PTGR1: variants seen among roughly 807,000 people sequenced by gnomAD.
The protein encoded by PTGR1 is prostaglandin reductase 1.
In PTGR1, 23 loss-of-function variants were observed where a neutral mutation model predicts 37.7. The observed-to-expected ratio is 0.61, with a 90% CI of 0.44 to 0.86. The LOEUF is 0.86. Among genes scored for constraint, PTGR1 ranks in the 40% least tolerant of loss-of-function variants. The probability of loss-of-function intolerance (pLI) is 0.00; values close to 1 mark genes in which losing one functional copy is unlikely to be tolerated. For missense variants in PTGR1, 351 were observed against 394.3 expected (o/e 0.89, Z 0.93); for synonymous variants, 134 against 140.0 (o/e 0.96, Z 0.30).
chr9:111,569,446 T>C (rs1828712291), intron 9 of PTGR1, among the ~76,000 whole-genome samples: 1 of 152,190 alleles, frequency 6.6e-6, no homozygotes, highest in Non-Finnish European at 1.5e-5. Context: ...AATCAACCAG[T>C]GGATTTCACT....
At chr9:111,580,030 CA>C in intron 6 of PTGR1, among the ~76,000 whole-genome samples, 1 of 152,326 alleles carries the variant, frequency 6.6e-6, no homozygotes, top group African/African-American at 2.4e-5. Context: ...TCCATTCCTT[CA>C]TGATTCCAGA....
downstream of PTGR1, among the ~76,000 whole-genome samples, chr9:111,558,264 TATC>T (rs1385600097): frequency 6.6e-6 from 1 of 152,236 alleles, no homozygotes; most frequent in Non-Finnish European, 1.5e-5. Context: ...AATCTGTAAT[TATC>T]ATTATCTACA....
chr9:111,562,228 C>T (rs1828347719), downstream of PTGR1, among the ~76,000 whole-genome samples: 1 of 151,408 alleles, frequency 6.6e-6, no homozygotes, highest in African/African-American at 2.4e-5. Context: ...TTATTATCCT[C>T]ACTTTAAAGA....
chr9:111,563,350 G>C (rs1012067631), intron 9 of PTGR1, 119 bp from the exon 10 acceptor site: 1 of 1,020,564 alleles, frequency 9.8e-7, no homozygotes, highest in African/African-American at 1.6e-5. Context: ...ATAAGAGATG[G>C]AAGTCCTGTC....
chr9:111,588,564 T>G (rs1452795150), intron 4 of PTGR1, among the ~76,000 whole-genome samples: 1 of 150,390 alleles, frequency 6.6e-6, no homozygotes, highest in Non-Finnish European at 1.5e-5. Flanking sequence ...TTCAATCTGT[T>G]GCCCAGGCTG....
chr9:111,592,986 CAAAAAAAAAAAAA>C lies in PTGR1; in HGVS notation c.153-17_153-5del, dbSNP rs58142522. The C allele has an allele frequency of 0.043, 40,486 of 946,538 alleles. 57 individuals are homozygous for C. The highest frequency in any genetic ancestry group is 0.046 in the Non-Finnish European group (34,650 of 753,870). 58.6% of individuals were successfully genotyped at this position (946,538 alleles called of 1,614,324 possible). On this transcript the variant is annotated splice_polypyrimidine_tract_variant and splice_region_variant and intron_variant, in intron 3 of 9. Transcript: ENST00000407693. ...CTTCAATCTTTTGGCTGCCACTCTG[CAAAAAAAAAAAAA>C]AAAAAAAAAAAAAAAAAATAGGTAA...
chr9:111,559,816 A>G (rs1828223688), downstream of PTGR1, among the ~76,000 whole-genome samples: 2 of 152,170 alleles, frequency 1.3e-5, no homozygotes, highest in Non-Finnish European at 2.9e-5. Flanking sequence ...TAGTTTGGTA[A>G]GAAAAGAGGA....
Position 111,571,018 on chromosome 9 carries a change from C to CTATAGGTGCATGCCACCACACCTGGCTAA in PTGR1, c.761-810_761-809insTTAGCCAGGTGTGGTGGCATGCACCTATA, listed in dbSNP as rs1554817637. Among the ~76,000 whole-genome samples the CTATAGGTGCATGCCACCACACCTGGCTAA allele has an allele frequency of 1.6e-4, 22 of 133,596 alleles. 1 individual carries two copies. The highest frequency in any genetic ancestry group is 4.1e-4 in the Admixed American group (5 of 12,304). The allele number at this position is 133,596 out of a possible 152,430, so 87.6% of individuals were successfully genotyped here. ...ACATGCCAAGAAATACAGGCAGCTG[C>CTATAGGTGCATGCCACCACACCTGGCTAA]TAGAAGCTTGAAAAGGCAAGGAAGC... On this transcript the variant is annotated intron_variant, in intron 8 of 9. Transcript: ENST00000407693.
At chr9:111,555,808 A>G (rs1828105576) in intron 9 of PTGR1, among the ~76,000 whole-genome samples, 1 of 152,202 alleles carries the variant, frequency 6.6e-6, no homozygotes, top group African/African-American at 2.4e-5. Flanking sequence ...ATTGTGGATT[A>G]TAGTTCAACA....
chr9:111,559,626 T>C (rs1158538708), downstream of PTGR1, among the ~76,000 whole-genome samples: 1 of 148,336 alleles, frequency 6.7e-6, no homozygotes, highest in East Asian at 2.0e-4. Context: ...AACATACATA[T>C]ATAACACACA....
chr9:111,598,392 C>T (rs1031489043), intron 1 of PTGR1, among the ~76,000 whole-genome samples: 1 of 152,166 alleles, frequency 6.6e-6, no homozygotes, highest in African/African-American at 2.4e-5. Context: ...ACCGGTGCCG[C>T]GGGAGGGGAC....
At chr9:111,597,457 A>ACTTCATGGCAGTTG in intron 1 of PTGR1, 25 bp from the exon 2 acceptor site, 2 of 1,461,290 alleles carry the variant, frequency 1.4e-6, no homozygotes, top group Non-Finnish European at 1.9e-6. Flanking sequence ...ATATGTAGTC[A>ACTTCATGGCAGTTG]ACTGCCATGA....
Position 111,570,234 on chromosome 9 carries a change from G to A in PTGR1, c.761-25C>T, listed in dbSNP as rs770697369. ...CCTGTGAAGAGAAGGGCACATTTGG[G>A]TGGCAGGATCCAGGGAGGTGCCCAT... is the stretch of plus-strand genomic sequence containing the variant. On this transcript the variant is annotated intron_variant, in intron 8 of 9. Coordinates refer to ENST00000407693, the MANE Select transcript of PTGR1 (RefSeq NM_001146108.2). 6 of 1,605,238 alleles carry A rather than the reference G, an allele frequency of 3.7e-6. No homozygotes were observed. The Middle Eastern group carries it at 1.1e-3, about 291-fold the overall frequency.
chr9:111,564,332 G>A (rs1828457805), intron 9 of PTGR1: 1 of 592,298 alleles, frequency 1.7e-6, no homozygotes, highest in Admixed American at 6.1e-5. Context: ...CTGAGACAGG[G>A]TCTCACTCTG....
intron 6 of PTGR1, among the ~76,000 whole-genome samples, chr9:111,580,613 G>C (rs1324360937): frequency 6.6e-6 from 1 of 152,130 alleles, no homozygotes; most frequent in Non-Finnish European, 1.5e-5. Flanking sequence ...AAATTAGCCA[G>C]GCGTGGTGGC....
chr9:111,577,938 A>T (rs929670114), intron 7 of PTGR1: 7 of 152,200 alleles, frequency 4.6e-5, no homozygotes, highest in African/African-American at 1.7e-4. Context: ...CAGTCATAAG[A>T]GACCACTTTT....
downstream of PTGR1, chr9:111,562,436 C>G (rs1224419385): frequency 6.6e-6 from 1 of 152,058 alleles, no homozygotes; most frequent in Non-Finnish European, 1.5e-5. Flanking sequence ...CCACCACACT[C>G]AGCTAATTTT....
chr9:111,566,202 C>CAAAA (rs1828555037), intron 9 of PTGR1, among the ~76,000 whole-genome samples: 1 of 150,844 alleles, frequency 6.6e-6, no homozygotes, highest in Admixed American at 6.6e-5. Context: ...GCCTCCATGT[C>CAAAA]AAAAATAAAT....
At chr9:111,598,375 C>T (rs1403667033) in intron 1 of PTGR1, among the ~76,000 whole-genome samples, 4 of 152,238 alleles carry the variant, frequency 2.6e-5, no homozygotes, top group Non-Finnish European at 1.5e-5. Context: ...ATCTCCCCAG[C>T]TCCCCTACCG....
Sources: allele counts gnomAD v4.1 joint callset (sites outside exome capture counted in the v4.1 genomes callset), GRCh38; gene constraint gnomAD v4.1.1; transcripts MANE v1.5; gene names NCBI Gene and HGNC (gene_info 2026-07-23, HGNC 2026-07-21).